EXOSC10: variants seen among roughly 807,000 people sequenced by gnomAD.
EXOSC10 encodes exosome component 10.
Under a neutral mutation model 126.6 loss-of-function variants are expected in EXOSC10, and 94 were observed. The observed-to-expected ratio is 0.74, with a 90% CI of 0.63 to 0.88. The LOEUF is 0.88. Among genes scored for constraint, EXOSC10 ranks in the 40% least tolerant of loss-of-function variants. EXOSC10 has a pLI of 0.00. For synonymous variants in EXOSC10, 395 were observed against 400.8 expected, an observed-to-expected ratio of 0.99 and a Z score of 0.17; for missense variants, 1,041 against 1,100.5, an observed-to-expected ratio of 0.95 and a Z score of 0.77.
At chr1:11,069,175 C>T (rs1286009340) in intron 22 of EXOSC10, among the ~76,000 whole-genome samples, 1 of 151,348 alleles carries the variant, frequency 6.6e-6, no homozygotes, top group Non-Finnish European at 1.5e-5. Flanking sequence ...ACAGCCCAAG[C>T]AGCCATAGGG....
At chr1:11,085,004 A>T (rs1462952051) in intron 9 of EXOSC10, among the ~76,000 whole-genome samples, 2 of 152,192 alleles carry the variant, frequency 1.3e-5, no homozygotes, top group African/African-American at 4.8e-5. Flanking sequence ...TTTTGGTACC[A>T]GTACCATGCT....
chr1:11,072,529 G>T, intron 19 of EXOSC10: 1 of 188,046 alleles, frequency 5.3e-6, no homozygotes, highest in Non-Finnish European at 1.1e-5. Flanking sequence ...GACAGAAGCA[G>T]ACTCAAGGCT....
rs566402255 is a variant in EXOSC10 at position 11,096,300 on chromosome 1, G to A, written c.249-419C>T. Among the ~76,000 whole-genome samples the A allele has an allele frequency of 5.9e-5, 9 of 152,034 alleles. No individual in the cohort carries two copies. The South Asian group carries it at 1.2e-3, about 21-fold the overall frequency. On this transcript the variant is annotated intron_variant, in intron 2 of 24. Transcript: ENST00000376936. ...TGAGTAGCTGGGATTATGGGCACAC[G>A]CCACCAGGTCTGGCTAATTTTTGTA... is the stretch of plus-strand genomic sequence containing the variant.
chr1:11,070,682 A>G (rs1639428568), intron 21 of EXOSC10: 2 of 548,592 alleles, frequency 3.6e-6, no homozygotes, highest in East Asian at 3.0e-5. Context: ...CATATTTACC[A>G]TAAACACAGT....
intron 4 of EXOSC10, 35 bp downstream of exon 4, chr1:11,091,458 C>A (rs954404379): frequency 6.5e-7 from 1 of 1,548,302 alleles, no homozygotes; most frequent in Non-Finnish European, 8.9e-7. Context: ...ATGAAGCTGA[C>A]ATCAAGAGCT....
chr1:11,075,853 CA>C (rs58667041), intron 17 of EXOSC10, among the ~76,000 whole-genome samples: 194 of 35,094 alleles, frequency 5.5e-3, no homozygotes, highest in African/African-American at 0.023. Context: ...GATCCTGTCA[CA>C]AAAAAAAAAA....
chr1:11,082,283 A>C (rs1640212606), intron 10 of EXOSC10, among the ~76,000 whole-genome samples: 1 of 151,968 alleles, frequency 6.6e-6, no homozygotes, highest in Non-Finnish European at 1.5e-5. Flanking sequence ...AAGCTAAACA[A>C]CAGTGTCCCT....
intron 19 of EXOSC10, chr1:11,073,039 C>T (rs1006412053): frequency 6.6e-6 from 1 of 152,230 alleles, no homozygotes; most frequent in East Asian, 1.9e-4. Flanking sequence ...ATGCATCAAG[C>T]TGTATATTTA....
At position 11,080,561 on chromosome 1, in the gene EXOSC10, AAAAC is replaced by A. The variant is rs769083259; in HGVS notation, c.1587-16_1587-13del. The stretch of plus-strand genomic sequence containing the variant: ...TTGGCAGTACATATCTGGAAAAAAA[AAAAC>A]ACACACACACACACACACACACACA... On this transcript the variant is annotated splice_polypyrimidine_tract_variant and intron_variant, in intron 12 of 24. Transcript: ENST00000376936. 1.6e-4 allele frequency: 237 copies of A among 1,504,608 alleles called. No homozygotes were observed. Among genetic ancestry groups the A allele is most frequent in the Admixed American group, 5.5e-4 (26 of 47,164 alleles). The allele number at this position is 1,504,608 out of a possible 1,614,324, so 93.2% of individuals were successfully genotyped here.
At chr1:11,070,873 G>A (rs746999804) in intron 21 of EXOSC10, 27 bp downstream of exon 21, 1 of 1,604,752 alleles carries the variant, frequency 6.2e-7, no homozygotes, top group African/African-American at 1.3e-5. Flanking sequence ...GTTTTTCAAA[G>A]GAAAAAGGAG....
At chr1:11,099,277 A>G (rs1253514349) in intron 1 of EXOSC10, among the ~76,000 whole-genome samples, 1 of 152,210 alleles carries the variant, frequency 6.6e-6, no homozygotes, top group Admixed American at 6.5e-5. Context: ...CTCAGGGTTA[A>G]AAATTATGTA....
In EXOSC10 at chr1:11,091,150, A is replaced by G. The variant is rs1487629122; in HGVS notation, c.507T>C (p.Ser169=). ...TTGCATGAAGCAGCCGGAAAGTTTCAGATTTTGCTTTTTTGCCATATTCTG... is the reference window on the plus strand; with the variant it reads ...TTGCATGAAGCAGCCGGAAAGTTTCGGATTTTGCTTTTTTGCCATATTCTG... ...KAAEYGKKAK[S]ETFRLLHAKN... is the part of the protein sequence containing the mutation. The change falls in exon 5 of 25, where the codon TCT becomes TCC. Residue 169 remains serine, a synonymous_variant. Coordinates refer to ENST00000376936, the MANE Select transcript of EXOSC10 (RefSeq NM_001001998.3). The G allele has an allele frequency of 1.2e-6, 2 of 1,614,144 alleles. No homozygotes were observed. Among genetic ancestry groups the G allele is most frequent in the Non-Finnish European group, 1.7e-6 (2 of 1,180,014 alleles).
intron 23 of EXOSC10, chr1:11,068,406 T>C (rs556813112): frequency 3.4e-6 from 2 of 594,846 alleles, no homozygotes; most frequent in African/African-American, 1.9e-5. Flanking sequence ...CCTGCAGCTA[T>C]AGTTCCCATG....
At chr1:11,099,378 G>A (rs1035182869) in intron 1 of EXOSC10, among the ~76,000 whole-genome samples, 3 of 152,216 alleles carry the variant, frequency 2.0e-5, no homozygotes, top group East Asian at 1.9e-4. Context: ...CGAAGAAGCC[G>A]AGCCCCTGCG....
chr1:11,095,019 T>C lies in EXOSC10; in HGVS notation c.372+739A>G, dbSNP rs191064617. Among the ~76,000 whole-genome samples, 1,216 of 152,056 alleles carry C rather than the reference T, an allele frequency of 8.0e-3. 25 individuals carry two copies. Among genetic ancestry groups the C allele is most frequent in the African/African-American group, 0.028 (1,150 of 41,526 alleles). Reference sequence around the variant, plus strand: ...TTGAAGTCAGGAGTTTGAGACCAGCTTGGCTAATATGACAAAACGATGTCT... The same window carrying C: ...TTGAAGTCAGGAGTTTGAGACCAGCCTGGCTAATATGACAAAACGATGTCT... On this transcript the variant is annotated intron_variant, in intron 3 of 24. Transcript: ENST00000376936.
chr1:11,081,318 C>T, intron 10 of EXOSC10, 80 bp from the exon 11 acceptor site: 1 of 1,501,172 alleles, frequency 6.7e-7, no homozygotes, highest in South Asian at 1.2e-5. Context: ...GGTGCTGGGA[C>T]TTCCTTAGAC....
At chr1:11,076,240 C>T (rs773810202) in intron 17 of EXOSC10, among the ~76,000 whole-genome samples, 1 of 151,490 alleles carries the variant, frequency 6.6e-6, no homozygotes, top group African/African-American at 2.4e-5. Context: ...CCCAGCTACT[C>T]AGGAGGCTGA....
intron 1 of EXOSC10, 137 bp from the exon 2 acceptor site, chr1:11,098,293 A>C: frequency 9.5e-7 from 1 of 1,047,684 alleles, no homozygotes; most frequent in Non-Finnish European, 1.3e-6. Flanking sequence ...CCAAACCCCA[A>C]TCTAATCTAG....
chr1:11,080,001 C>T (rs185150863), intron 13 of EXOSC10, among the ~76,000 whole-genome samples, 179 bp from the exon 14 acceptor site: 1 of 152,182 alleles, frequency 6.6e-6, no homozygotes, highest in African/African-American at 2.4e-5. Flanking sequence ...GTGTTCTTTG[C>T]GACACCAAGC....
Sources: allele counts gnomAD v4.1 joint callset (sites outside exome capture counted in the v4.1 genomes callset), GRCh38; gene constraint gnomAD v4.1.1; transcripts MANE v1.5; gene names NCBI Gene and HGNC (gene_info 2026-07-23, HGNC 2026-07-21).